Variants in ADAMTSL1 observed in about 807,000 individuals in gnomAD.
ADAMTSL1 encodes the protein ADAMTS-like protein 1.
ADAMTSL1 carries 126 observed loss-of-function variants against 201.8 expected under a neutral mutation model. That is an observed-to-expected ratio of 0.62 (90% confidence interval 0.54 to 0.72). The LOEUF (loss-of-function observed/expected upper bound fraction) is 0.72. Among genes scored for constraint, ADAMTSL1 ranks in the 30% least tolerant of loss-of-function variants. ADAMTSL1 has a pLI of 0.00. For missense variants in ADAMTSL1, 2,679 were observed against 2,277.8 expected (o/e 1.18, Z -3.59); for synonymous variants, 1,121 against 903.4 (o/e 1.24, Z -4.32).
intron 2 of ADAMTSL1, among the ~76,000 whole-genome samples, chr9:18,517,398 A>G (rs922690515): frequency 6.6e-6 from 1 of 151,608 alleles, no homozygotes; most frequent in African/African-American, 2.4e-5. Context: ...TAAACTTTTC[A>G]TCTTTTTCTT....
intron 2 of ADAMTSL1, among the ~76,000 whole-genome samples, chr9:18,371,814 AC>A (rs1189928336): frequency 6.6e-6 from 1 of 152,064 alleles, no homozygotes; most frequent in African/African-American, 2.4e-5. Flanking sequence ...TTTTGACAAA[AC>A]CCAGAGAGCT....
intron 1 of ADAMTSL1, among the ~76,000 whole-genome samples, chr9:18,119,078 A>T (rs1386623199): frequency 2.0e-5 from 3 of 152,180 alleles, no homozygotes; most frequent in African/African-American, 7.2e-5. Flanking sequence ...CTTCATCTGT[A>T]ATATGGGAAT....
intron 2 of ADAMTSL1, among the ~76,000 whole-genome samples, chr9:18,390,883 GTCCAAAAAAGCCC>G (rs566934771): frequency 4.1e-4 from 63 of 152,304 alleles, no homozygotes; most frequent in Middle Eastern, 6.8e-3. Context: ...AAGTAAGTCT[GTCCAAAAAAGCCC>G]TCCAAGATAA....
chr9:18,041,102 A>G (rs1310877447), intron 1 of ADAMTSL1, among the ~76,000 whole-genome samples: 3 of 152,212 alleles, frequency 2.0e-5, no homozygotes, highest in Admixed American at 6.5e-5. Flanking sequence ...CTGAAGGAGC[A>G]TCAGAAGCTG....
intron 1 of ADAMTSL1, among the ~76,000 whole-genome samples, chr9:17,930,315 G>T (rs752638252): frequency 2.0e-5 from 3 of 152,076 alleles, no homozygotes; most frequent in Non-Finnish European, 4.4e-5. Context: ...GATGACATAT[G>T]GGGGAAGGGA....
At chr9:18,244,789 G>T (rs904953145) in intron 2 of ADAMTSL1, among the ~76,000 whole-genome samples, 1 of 152,042 alleles carries the variant, frequency 6.6e-6, no homozygotes, top group Non-Finnish European at 1.5e-5. Context: ...AATGAGTCAT[G>T]CTCTCCCTCT....
At chr9:18,614,466 A>G (rs1825579039) in intron 4 of ADAMTSL1, among the ~76,000 whole-genome samples, 1 of 152,194 alleles carries the variant, frequency 6.6e-6, no homozygotes, top group African/African-American at 2.4e-5. Context: ...TGAAATAGAC[A>G]CAATTGTAGC....
At chr9:18,153,328 A>G (rs924539925) in intron 1 of ADAMTSL1, among the ~76,000 whole-genome samples, 10 of 152,052 alleles carry the variant, frequency 6.6e-5, no homozygotes, top group Admixed American at 3.3e-4. Context: ...AAGTCGATCT[A>G]CTTCTCTCTG....
At chr9:18,128,828 C>T (rs2131955502) in intron 1 of ADAMTSL1, among the ~76,000 whole-genome samples, 1 of 152,060 alleles carries the variant, frequency 6.6e-6, no homozygotes, top group Middle Eastern at 3.4e-3. Flanking sequence ...ATAAACATAA[C>T]CCTTATAAAC....
intron 2 of ADAMTSL1, among the ~76,000 whole-genome samples, chr9:18,359,819 C>A (rs1244261744): frequency 1.9e-5 from 1 of 53,400 alleles, no homozygotes. Context: ...TGCCCCACCT[C>A]CCCACCCGCC....
chr9:17,962,670 A>G (rs1817801863), intron 1 of ADAMTSL1, among the ~76,000 whole-genome samples: 1 of 152,206 alleles, frequency 6.6e-6, no homozygotes, highest in African/African-American at 2.4e-5. Flanking sequence ...CTTTGTGGAA[A>G]TTCATTGGAC....
intron 5 of ADAMTSL1, among the ~76,000 whole-genome samples, chr9:18,631,161 C>T (rs1826745033): frequency 6.6e-6 from 1 of 152,100 alleles, no homozygotes; most frequent in African/African-American, 2.4e-5. Context: ...GGTATTTTGA[C>T]AACAGAACTT....
rs1287552961 is a variant in ADAMTSL1 at position 18,647,274 on chromosome 9, CTCTT to C, written c.834+7865_834+7868del. ...TTTATTGCATCTATTTGATTCTTCTCTCTTTTTTTCTTTATTAGTCTTCCTAGTG... is the reference window on the plus strand; with the variant it reads ...TTTATTGCATCTATTTGATTCTTCTCTTTTTCTTTATTAGTCTTCCTAGTG... On this transcript the variant is annotated intron_variant, in intron 7 of 28. Transcript: ENST00000380548. 5.3e-5 allele frequency among the ~76,000 whole-genome samples: 8 copies of C among 152,110 alleles called. No individual in the cohort carries two copies. The East Asian group carries it at 1.4e-3, about 26-fold the overall frequency.
At chr9:18,717,910 G>T in intron 14 of ADAMTSL1, 1 of 1,088,512 alleles carries the variant, frequency 9.2e-7, no homozygotes, top group East Asian at 2.4e-5. Flanking sequence ...TTGGAGTGTT[G>T]GCACTATTGA....
intron 9 of ADAMTSL1, among the ~76,000 whole-genome samples, chr9:18,672,792 C>T (rs905861219): frequency 4.6e-5 from 7 of 152,138 alleles, no homozygotes; most frequent in African/African-American, 1.4e-4. Context: ...TGTCAATGGA[C>T]AATTCAGTAA....
At position 18,675,982 on chromosome 9, in the gene ADAMTSL1, T is replaced by C. The variant is rs1305465061; in HGVS notation, c.1136+75T>C. ...CTGCTTATCTATATATATAGAGATA[T>C]ACATATACATAGAGAGAGAGATTAT... On this transcript the variant is annotated intron_variant, in intron 10 of 28. Coordinates refer to ENST00000380548, the MANE Select transcript of ADAMTSL1 (RefSeq NM_001040272.6). 3.9e-6 allele frequency: 5 copies of C among 1,281,072 alleles called. No individual in the cohort carries two copies. In the Admixed American group the frequency reaches 6.9e-5, roughly 18 times the overall value. The allele number at this position is 1,281,072 out of a possible 1,614,324, so 79.4% of individuals were successfully genotyped here.
At chr9:17,983,072 C>CTTTTTTTTTTTT (rs199805015) in intron 1 of ADAMTSL1, among the ~76,000 whole-genome samples, 1 of 100,316 alleles carries the variant, frequency 1.0e-5, no homozygotes, top group Non-Finnish European at 2.0e-5. Context: ...TTCTTTCTTT[C>CTTTTTTTTTTTT]TTTCTTTTTT....
intron 3 of ADAMTSL1, among the ~76,000 whole-genome samples, chr9:18,559,393 T>G (rs1821326213): frequency 6.6e-6 from 1 of 152,226 alleles, no homozygotes; most frequent in African/African-American, 2.4e-5. Context: ...AGTACCATGC[T>G]GTTTTGGTTA....
At chr9:18,803,048 T>G (rs1822898724) in intron 20 of ADAMTSL1, among the ~76,000 whole-genome samples, 2 of 152,232 alleles carry the variant, frequency 1.3e-5, no homozygotes, top group Admixed American at 1.3e-4. Context: ...GTATATGGCC[T>G]GCGTATTTGC....
Sources: allele counts gnomAD v4.1 joint callset (sites outside exome capture counted in the v4.1 genomes callset), GRCh38; gene constraint gnomAD v4.1.1; transcripts MANE v1.5; gene names NCBI Gene and HGNC (gene_info 2026-07-23, HGNC 2026-07-21).